The following ABLIM3 variants were observed in gnomAD, a reference collection of about 807,000 sequenced individuals.
The protein encoded by ABLIM3 is actin-binding LIM protein 3.
Under a neutral mutation model 109.5 loss-of-function variants are expected in ABLIM3, and 61 were observed. That is an observed-to-expected ratio of 0.56 (90% CI 0.45 to 0.69). ABLIM3 has a LOEUF of 0.69. Ranked by LOEUF, ABLIM3 falls within the 30% of genes least tolerant of loss-of-function variation. The probability of loss-of-function intolerance (pLI) is 0.00; values close to 1 mark genes in which losing one functional copy is unlikely to be tolerated. For synonymous variants in ABLIM3, 300 were observed against 324.8 expected (o/e 0.92, Z 0.82); for missense variants, 796 against 889.5 (o/e 0.89, Z 1.34).
At chr5:149,157,403 T>C (rs894244914) in intron 2 of ABLIM3, among the ~76,000 whole-genome samples, 5 of 152,112 alleles carry the variant, frequency 3.3e-5, no homozygotes, top group Non-Finnish European at 7.4e-5. Flanking sequence ...CCTAATATGA[T>C]AGCCAGGGTG....
At chr5:149,169,069 C>CTGACTT (rs1327852847) in intron 2 of ABLIM3, among the ~76,000 whole-genome samples, 2 of 152,054 alleles carry the variant, frequency 1.3e-5, no homozygotes, top group African/African-American at 4.8e-5. Context: ...CTTCCCACCA[C>CTGACTT]TGACTTTGCT....
At chr5:149,253,269 G>A (rs1175813398) in intron 23 of ABLIM3, among the ~76,000 whole-genome samples, 2 of 152,146 alleles carry the variant, frequency 1.3e-5, no homozygotes, top group African/African-American at 4.8e-5. Context: ...TGCTTGTGAT[G>A]GGGGACAGGG....
At chr5:149,141,962 C>A in intron 1 of ABLIM3, 47 bp from the exon 2 acceptor site, 2 of 1,263,800 alleles carry the variant, frequency 1.6e-6, no homozygotes, top group Non-Finnish European at 2.3e-6. Context: ...GGAGAGAGAG[C>A]ACCTGAGGAT....
intron 6 of ABLIM3, 50 bp from the exon 7 acceptor site, chr5:149,210,676 C>A (rs1185714538): frequency 6.5e-7 from 1 of 1,537,734 alleles, no homozygotes; most frequent in Non-Finnish European, 9.0e-7. Flanking sequence ...CATGTGCACC[C>A]TCACTGATCC....
At chr5:149,166,899 CAGTT>C (rs779691099) in intron 2 of ABLIM3, among the ~76,000 whole-genome samples, 8 of 152,140 alleles carry the variant, frequency 5.3e-5, no homozygotes, top group Non-Finnish European at 1.0e-4. Context: ...TTTACAAAGA[CAGTT>C]AGTGGGACAG....
chr5:149,188,291 G>C (rs78724329), intron 3 of ABLIM3, among the ~76,000 whole-genome samples: 7,177 of 152,132 alleles, frequency 0.047, 512 homozygotes, highest in African/African-American at 0.16. Context: ...AAAATTATTA[G>C]AACTAATAAG....
chr5:149,206,691 G>A (rs1399632969), intron 5 of ABLIM3, among the ~76,000 whole-genome samples: 7 of 152,144 alleles, frequency 4.6e-5, no homozygotes, highest in Admixed American at 3.3e-4. Context: ...GCAAGGTCAC[G>A]GACAGCAGCA....
chr5:149,207,387 C>T lies in ABLIM3; in HGVS notation c.575+253C>T, dbSNP rs540130445. Among the ~76,000 whole-genome samples the T allele has an allele frequency of 2.0e-5, 3 of 152,284 alleles. No individual in the cohort carries two copies. The South Asian group carries it at 6.2e-4, about 32-fold the overall frequency. On this transcript the variant is annotated intron_variant, in intron 6 of 23. Coordinates refer to ENST00000309868, the MANE Select transcript of ABLIM3 (RefSeq NM_014945.5). Reference sequence around the variant, plus strand: ...CCTTCTCTCCCTTCTGGTCTCGGTCCCCATGCCTTCCCCTCCGGCCGTCTC... The same window carrying T: ...CCTTCTCTCCCTTCTGGTCTCGGTCTCCATGCCTTCCCCTCCGGCCGTCTC...
At chr5:149,201,283 TAGGCTCC>T (rs1758464033) in intron 5 of ABLIM3, among the ~76,000 whole-genome samples, 1 of 152,162 alleles carries the variant, frequency 6.6e-6, no homozygotes, top group South Asian at 2.1e-4. Flanking sequence ...TAAGCCACAC[TAGGCTCC>T]AGTGTTCTTT....
At chr5:149,223,170 T>C (rs77329598) in intron 8 of ABLIM3, among the ~76,000 whole-genome samples, 355 of 152,290 alleles carry the variant, frequency 2.3e-3, no homozygotes, top group Admixed American at 4.8e-3. Context: ...TCTTGAATCA[T>C]ATAGAAAGTA....
chr5:149,156,487 T>G (rs1017956641), intron 2 of ABLIM3, among the ~76,000 whole-genome samples: 8 of 152,240 alleles, frequency 5.3e-5, no homozygotes, highest in African/African-American at 1.9e-4. Context: ...GGAAAACCCC[T>G]TTTAAAGATA....
intron 20 of ABLIM3, 119 bp from the exon 21 acceptor site, chr5:149,251,240 G>C: frequency 1.9e-6 from 2 of 1,046,124 alleles, no homozygotes; most frequent in Non-Finnish European, 2.9e-6. Context: ...TGAGACAGAG[G>C]CTGCTGAGAA....
Position 149,239,797 on chromosome 5 carries a change from C to T in ABLIM3, c.1113C>T (p.Ala371=), listed in dbSNP as rs758112347. The T allele has an allele frequency of 1.2e-5, 19 of 1,608,480 alleles. No homozygotes were observed. The Admixed American group carries it at 1.7e-4, about 14-fold the overall frequency. The change falls in exon 13 of 24, where the codon GCC becomes GCT. Residue 371 remains alanine (A), a synonymous_variant. Coordinates refer to ENST00000309868, the MANE Select transcript of ABLIM3 (RefSeq NM_014945.5). ...ACCTGGACCTCCGGCAGAGACGGGC[C>T]TCCAGCCCGGGGTACATAGACTCCC... ...YENLDLRQRR[A]SSPGYIDSPT...
chr5:149,177,020 T>C (rs1755996327), intron 2 of ABLIM3: 2 of 152,258 alleles, frequency 1.3e-5, no homozygotes, highest in African/African-American at 4.8e-5. Context: ...CCTCTGGGTC[T>C]CAGCTTTCTC....
intron 2 of ABLIM3, among the ~76,000 whole-genome samples, chr5:149,167,101 C>G (rs1002001455): frequency 4.6e-5 from 7 of 152,176 alleles, no homozygotes; most frequent in African/African-American, 1.7e-4. Flanking sequence ...ATCAGGATTT[C>G]TAGAGTACAA....
intron 8 of ABLIM3, chr5:149,218,342 G>A (rs546938125): frequency 2.6e-5 from 4 of 152,222 alleles, no homozygotes; most frequent in South Asian, 4.1e-4. Flanking sequence ...AAGGACACTG[G>A]TCCATGACCT....
intron 2 of ABLIM3, among the ~76,000 whole-genome samples, chr5:149,179,911 G>T (rs1018718649): frequency 6.6e-6 from 1 of 152,194 alleles, no homozygotes; most frequent in Admixed American, 6.5e-5. Context: ...ATCTCAGAAC[G>T]TTCTAGTGGA....
At chr5:149,241,848 C>T (rs1038808790) in intron 14 of ABLIM3, among the ~76,000 whole-genome samples, 8 of 152,218 alleles carry the variant, frequency 5.3e-5, no homozygotes, top group African/African-American at 1.7e-4. Context: ...GTCATGTGAC[C>T]GCAGGTCATG....
Position 149,200,448 on chromosome 5 carries a change from A to T in ABLIM3, c.448+20A>T, listed in dbSNP as rs777819517. 6.2e-7 allele frequency: 1 copy of T among 1,607,096 alleles called. No homozygotes were observed. Among genetic ancestry groups the T allele is most frequent in the Non-Finnish European group, 8.5e-7 (1 of 1,173,664 alleles). ...CAAGCCGTGAGTCCTCCCCACGGGT[A>T]TCTCCCTGTCCATGGGTGTGATCTC... On this transcript the variant is annotated intron_variant, in intron 5 of 23. Transcript: ENST00000309868.
Sources: gnomAD v4.1 joint callset for allele counts (sites outside exome capture counted in the v4.1 genomes callset) on GRCh38, gnomAD v4.1.1 for gene constraint, MANE v1.5 for transcripts, NCBI Gene and HGNC (gene_info 2026-07-23, HGNC 2026-07-21) for gene names.